COL3A1: variants seen among roughly 807,000 people sequenced by gnomAD.
The protein encoded by COL3A1 is collagen type III alpha 1 chain.
Under a neutral mutation model 200.9 loss-of-function variants are expected in COL3A1, and 46 were observed. The ratio of observed to expected loss-of-function variants is 0.23; its 90% CI spans 0.18 to 0.29. COL3A1 has a LOEUF of 0.29. Among genes scored for constraint, COL3A1 ranks in the 10% least tolerant of loss-of-function variants. The pLI is 1.00. For synonymous variants in COL3A1, 650 were observed against 628.0 expected, an observed-to-expected ratio of 1.03 and a Z score of -0.52; for missense variants, 1,367 against 1,917.6, an observed-to-expected ratio of 0.71 and a Z score of 5.36.
At chr2:188,980,391 ATT>A (rs1687926272) in intron 1 of COL3A1, among the ~76,000 whole-genome samples, 1 of 22,996 alleles carries the variant, frequency 4.3e-5, no homozygotes, top group African/African-American at 1.4e-4. Context: ...ATTCTAAAAG[ATT>A]AATCTTTTAG....
chr2:189,009,338 A>G (rs995017264), intron 48 of COL3A1, 117 bp downstream of exon 48: 2 of 1,264,090 alleles, frequency 1.6e-6, no homozygotes, highest in Admixed American at 4.0e-5. Context: ...GTACTTTAAG[A>G]AAGTTAACTG....
At chr2:189,003,374 G>A in intron 36 of COL3A1, 37 bp from the exon 37 acceptor site, 1 of 1,595,080 alleles carries the variant, frequency 6.3e-7, no homozygotes. Flanking sequence ...TTTGATTTTG[G>A]TGCTATTCTT....
In COL3A1 at chr2:188,989,453, A is replaced by C; in HGVS notation, c.690+4A>C. The C allele has an allele frequency of 6.2e-7, 1 of 1,604,870 alleles. No homozygotes were observed. The highest frequency in any genetic ancestry group is 1.1e-5 in the South Asian group (1 of 90,222). ...ATCTGGTCCTGCTGGAAAAGATGTAAGTTTTTAAAACTTAAATAAGAATAC... is the reference window on the plus strand; with the variant it reads ...ATCTGGTCCTGCTGGAAAAGATGTACGTTTTTAAAACTTAAATAAGAATAC... On this transcript the variant is annotated splice_donor_region_variant and intron_variant, in intron 8 of 50. Transcript: ENST00000304636.
At chr2:188,997,073 A>ACAT in intron 24 of COL3A1, 92 bp from the exon 25 acceptor site, 1 of 812,298 alleles carries the variant, frequency 1.2e-6, no homozygotes, top group Non-Finnish European at 2.1e-6. Context: ...TATATATGAG[A>ACAT]CATATATATA....
intron 15 of COL3A1, 122 bp from the exon 16 acceptor site, chr2:188,993,239 C>T (rs1170032651): frequency 9.9e-6 from 8 of 809,256 alleles, no homozygotes; most frequent in Admixed American, 2.0e-5. Context: ...CTTGCTTTAC[C>T]TGCAGTATAG....
intron 23 of COL3A1, 99 bp from the exon 24 acceptor site, chr2:188,996,299 T>TAC: frequency 1.3e-6 from 1 of 771,444 alleles, no homozygotes; most frequent in Non-Finnish European, 2.0e-6. Context: ...TGTATATCTA[T>TAC]ATATATACAC....
chr2:188,991,085 A>G, intron 11 of COL3A1, 28 bp downstream of exon 11: 3 of 1,601,162 alleles, frequency 1.9e-6, no homozygotes, highest in Non-Finnish European at 2.6e-6. Flanking sequence ...TCATATTTTC[A>G]TAAGTAAATT....
intron 41 of COL3A1, 80 bp downstream of exon 41, chr2:189,005,537 C>A: frequency 1.7e-6 from 2 of 1,170,544 alleles, no homozygotes; most frequent in South Asian, 1.2e-5. Context: ...GCTTTAATGT[C>A]TAAGAGTGTA....
At chr2:189,003,618 C>T in intron 37 of COL3A1, 116 bp from the exon 38 acceptor site, 1 of 1,372,250 alleles carries the variant, frequency 7.3e-7, no homozygotes, top group Non-Finnish European at 1.0e-6. Flanking sequence ...AGGGGAAACA[C>T]AAACCATAAA....
chr2:189,009,162 G>A lies in COL3A1; in HGVS notation c.3764G>A (p.Arg1255His), dbSNP rs368119434. The A allele has an allele frequency of 1.8e-5, 29 of 1,614,158 alleles. No homozygotes were observed. Among genetic ancestry groups the A allele is most frequent in the Middle Eastern group, 1.6e-4 (1 of 6,062 alleles). The change falls in exon 48 of 51, where the codon CGT becomes CAT. Residue 1255 changes from arginine (R) to histidine (H), a missense_variant. By Grantham distance (29) the Arg-to-His change is conservative. Transcript: ENST00000304636. ...IESLISPDGS[R>H]KNPARNCRDL... is the part of the protein sequence containing the mutation. The stretch of plus-strand genomic sequence containing the variant: ...AGCCTCATTAGTCCTGATGGTTCTC[G>A]TAAAAACCCCGCTAGAAACTGCAGA...
intron 42 of COL3A1, 40 bp downstream of exon 42, chr2:189,006,299 A>G (rs760667452): frequency 1.2e-6 from 2 of 1,614,106 alleles, no homozygotes; most frequent in Non-Finnish European, 8.5e-7. Flanking sequence ...TGTTATCAAA[A>G]TAAGTGATCA....
At chr2:188,986,985 A>G in intron 4 of COL3A1, 74 bp from the exon 5 acceptor site, 1 of 1,315,496 alleles carries the variant, frequency 7.6e-7, no homozygotes, top group African/African-American at 1.4e-5. Context: ...TGTTGCATGC[A>G]CTTCTAAATG....
intron 27 of COL3A1, 119 bp from the exon 28 acceptor site, chr2:188,998,147 C>A: frequency 2.3e-6 from 2 of 869,610 alleles, no homozygotes; most frequent in Non-Finnish European, 3.8e-6. Context: ...AACGTTTCTA[C>A]CCCTACAAGA....
At chr2:188,977,972 A>G in intron 1 of COL3A1, 1 of 297,234 alleles carries the variant, frequency 3.4e-6, no homozygotes, top group South Asian at 2.9e-5. Context: ...AAGTATTATA[A>G]CACTTTGTGT....
intron 25 of COL3A1, 31 bp downstream of exon 25, chr2:188,997,249 C>A: frequency 6.2e-7 from 1 of 1,613,716 alleles, no homozygotes; most frequent in African/African-American, 1.3e-5. Flanking sequence ...TATTTCTAGC[C>A]TTCTAATAGA....
chr2:188,984,339 T>TCGG (rs1398850887), intron 1 of COL3A1, among the ~76,000 whole-genome samples: 1 of 152,036 alleles, frequency 6.6e-6, no homozygotes, highest in Non-Finnish European at 1.5e-5. Flanking sequence ...CAGAAAGTCT[T>TCGG]CAGAGTTAGT....
chr2:189,005,334 A>C lies in COL3A1; in HGVS notation c.2932-16A>C. The C allele has an allele frequency of 6.2e-7, 1 of 1,605,982 alleles. No individual in the cohort carries two copies. The highest frequency in any genetic ancestry group is 8.5e-7 in the Non-Finnish European group (1 of 1,172,604). Reference sequence around the variant, plus strand: ...CTTAAGTTGAAACAAAATGTTTTTCATTCCTTTGTATACAGGGTGAAAGTG... The same window carrying C: ...CTTAAGTTGAAACAAAATGTTTTTCCTTCCTTTGTATACAGGGTGAAAGTG... On this transcript the variant is annotated splice_polypyrimidine_tract_variant and intron_variant, in intron 40 of 50. Coordinates refer to ENST00000304636, the MANE Select transcript of COL3A1 (RefSeq NM_000090.4).
At position 188,996,186 on chromosome 2, in the gene COL3A1, C is replaced by T; in HGVS notation, c.1662+8C>T. ...GGGAAACCAGGGCCTCCCGTATGTA[C>T]ATTTTTAAAATCTCATTTTAAAAGG... On this transcript the variant is annotated splice_region_variant and intron_variant, in intron 23 of 50. Transcript: ENST00000304636. The T allele has an allele frequency of 6.2e-7, 1 of 1,612,294 alleles. No individual in the cohort carries two copies. Among genetic ancestry groups the T allele is most frequent in the South Asian group, 1.1e-5 (1 of 90,982 alleles).
chr2:189,003,601 A>C (rs1688519723), intron 37 of COL3A1, 133 bp from the exon 38 acceptor site: 3 of 1,338,682 alleles, frequency 2.2e-6, no homozygotes, highest in Non-Finnish European at 3.2e-6. Context: ...GTTATATGTA[A>C]ATTCCAAGGG....
Sources: allele counts gnomAD v4.1 joint callset (sites outside exome capture counted in the v4.1 genomes callset), GRCh38; gene constraint gnomAD v4.1.1; transcripts MANE v1.5; gene names NCBI Gene and HGNC (gene_info 2026-07-23, HGNC 2026-07-21).